TEX14: variants seen among roughly 807,000 people sequenced by gnomAD.
TEX14 encodes testis expressed 14, intercellular bridge forming factor.
A neutral mutation model predicts 178.6 loss-of-function variants in TEX14; 168 were observed. That is an observed-to-expected ratio of 0.94 (90% CI 0.83 to 1.07). The LOEUF (loss-of-function observed/expected upper bound fraction) is 1.07. Among genes scored for constraint, TEX14 ranks in the 50% least tolerant of loss-of-function variants. The pLI is 0.00. For missense variants in TEX14, 1,730 were observed against 1,753.6 expected (o/e 0.99, Z 0.24); for synonymous variants, 626 against 634.1 (o/e 0.99, Z 0.19).
intron 1 of TEX14, chr17:58,660,951 T>C (rs113066742): frequency 3.6e-6 from 4 of 1,098,898 alleles, no homozygotes; most frequent in East Asian, 2.3e-5. Context: ...AGGATCTTTA[T>C]TTCCTGATCA....
chr17:58,617,511 C>T (rs1285599311), intron 6 of TEX14, 27 bp downstream of exon 6: 2 of 1,575,284 alleles, frequency 1.3e-6, no homozygotes, highest in East Asian at 2.2e-5. Flanking sequence ...GTCCTGCAAA[C>T]ACTGGCTGTC....
intron 15 of TEX14, among the ~76,000 whole-genome samples, chr17:58,591,725 AC>A (rs1338824648): frequency 7.9e-5 from 12 of 151,620 alleles, no homozygotes; most frequent in Admixed American, 2.6e-4. Flanking sequence ...AAAAAAAAAA[AC>A]AAAAAAAAAC....
chr17:58,690,176 T>C (rs1298385013), intron 1 of TEX14, among the ~76,000 whole-genome samples: 1 of 151,350 alleles, frequency 6.6e-6, no homozygotes, highest in Non-Finnish European at 1.5e-5. Flanking sequence ...TTTGCTTTGT[T>C]TTGTTTTTGA....
At chr17:58,671,516 T>C (rs2047303509) in intron 1 of TEX14, among the ~76,000 whole-genome samples, 1 of 152,060 alleles carries the variant, frequency 6.6e-6, no homozygotes, top group Non-Finnish European at 1.5e-5. Context: ...CGCAGCTTTA[T>C]AGAATGAGGA....
intron 1 of TEX14, among the ~76,000 whole-genome samples, chr17:58,686,861 CTTTTTTTTTTTTTTTTT>C (rs71143271): frequency 1.3e-4 from 9 of 71,538 alleles, no homozygotes; most frequent in South Asian, 6.0e-4. Context: ...GAAAGGTCAC[CTTTTTTTTTTTTTTTTT>C]TTTTTTTTTT....
intron 2 of TEX14, among the ~76,000 whole-genome samples, chr17:58,633,449 A>G (rs532198511): frequency 2.0e-5 from 3 of 152,346 alleles, no homozygotes; most frequent in African/African-American, 4.8e-5. Flanking sequence ...ACAATGGCCA[A>G]TTGTAAGCCA....
intron 1 of TEX14, among the ~76,000 whole-genome samples, chr17:58,689,130 C>G (rs987459017): frequency 3.3e-5 from 5 of 152,094 alleles, no homozygotes; most frequent in Admixed American, 1.3e-4. Flanking sequence ...TGGGGTTTCA[C>G]CGTGTTAGCC....
chr17:58,664,749 A>G (rs566916060), intron 1 of TEX14, among the ~76,000 whole-genome samples: 1 of 152,340 alleles, frequency 6.6e-6, no homozygotes, highest in Non-Finnish European at 1.5e-5. Flanking sequence ...TAAAAATGCT[A>G]TCTTATGACT....
intron 28 of TEX14, among the ~76,000 whole-genome samples, chr17:58,562,151 A>G (rs1408589068): frequency 6.6e-6 from 1 of 152,188 alleles, no homozygotes; most frequent in East Asian, 1.9e-4. Flanking sequence ...CCTTGACAAA[A>G]AGCCTTAGCA....
At chr17:58,634,872 C>A (rs1265575189) in intron 2 of TEX14, among the ~76,000 whole-genome samples, 1 of 152,174 alleles carries the variant, frequency 6.6e-6, no homozygotes, top group Non-Finnish European at 1.5e-5. Flanking sequence ...TGGCTCACGC[C>A]TGTAATCCCA....
At chr17:58,633,381 T>G (rs2046364871) in intron 2 of TEX14, among the ~76,000 whole-genome samples, 1 of 152,162 alleles carries the variant, frequency 6.6e-6, no homozygotes, top group African/African-American at 2.4e-5. Context: ...CACCTAATAA[T>G]GAATAAATCC....
chr17:58,596,677 A>G (rs1241700491), intron 14 of TEX14, among the ~76,000 whole-genome samples: 2 of 150,742 alleles, frequency 1.3e-5, no homozygotes, highest in African/African-American at 4.9e-5. Context: ...TGAGCTCAAG[A>G]GTTTGAGAGC....
At chr17:58,651,742 T>G (rs1428430641) in intron 2 of TEX14, 124 bp downstream of exon 2, 1 of 914,568 alleles carries the variant, frequency 1.1e-6, no homozygotes, top group Non-Finnish European at 1.6e-6. Flanking sequence ...GAACATCTAA[T>G]TTCTACATTT....
intron 2 of TEX14, chr17:58,631,744 A>G (rs1041883135): frequency 3.1e-5 from 3 of 98,258 alleles, no homozygotes; most frequent in African/African-American, 9.8e-5. Flanking sequence ...AGAGAACACA[A>G]ATATCTCCCT....
chr17:58,682,948 G>A (rs1433764704), intron 1 of TEX14, among the ~76,000 whole-genome samples: 1 of 151,754 alleles, frequency 6.6e-6, no homozygotes. Flanking sequence ...AGCTGGATGC[G>A]GTGGCTAACA....
intron 26 of TEX14, among the ~76,000 whole-genome samples, chr17:58,568,256 A>T (rs954605738): frequency 6.6e-6 from 1 of 152,220 alleles, no homozygotes; most frequent in Non-Finnish European, 1.5e-5. Flanking sequence ...TGACCATGGA[A>T]AAAGAAAGAA....
At chr17:58,606,023 G>A (rs1230563361) in intron 10 of TEX14, among the ~76,000 whole-genome samples, 1 of 152,148 alleles carries the variant, frequency 6.6e-6, no homozygotes, top group East Asian at 1.9e-4. Flanking sequence ...CTTTATCAAA[G>A]CCATCTGGGA....
intron 1 of TEX14, among the ~76,000 whole-genome samples, chr17:58,686,734 G>A (rs2047600535): frequency 6.6e-6 from 1 of 151,922 alleles, no homozygotes; most frequent in African/African-American, 2.4e-5. Flanking sequence ...ATATGTCTGA[G>A]GCCTTAAAGA....
At chr17:58,612,735 CAAAAAA>C (rs35618114) in intron 9 of TEX14, among the ~76,000 whole-genome samples, 2 of 97,098 alleles carry the variant, frequency 2.1e-5, no homozygotes, top group Non-Finnish European at 2.0e-5. Flanking sequence ...ACTCTTGTCT[CAAAAAA>C]AAAAAAAAAA....
Sources: gnomAD v4.1 joint callset for allele counts (sites outside exome capture counted in the v4.1 genomes callset) on GRCh38, gnomAD v4.1.1 for gene constraint, MANE v1.5 for transcripts, NCBI Gene and HGNC (gene_info 2026-07-23, HGNC 2026-07-21) for gene names.